The following SOX5 variants were observed in gnomAD, a reference collection of about 807,000 sequenced individuals.
SOX5 encodes SRY-box transcription factor 5.
SOX5 carries 9 observed loss-of-function variants against 92.0 expected under a neutral mutation model. That is an observed-to-expected ratio of 0.10 (90% confidence interval 0.06 to 0.17). The LOEUF (loss-of-function observed/expected upper bound fraction) is 0.17, where lower values mean the gene tolerates loss of function less well. Among genes scored for constraint, SOX5 ranks in the 10% least tolerant of loss-of-function variants. The pLI is 1.00. For missense variants in SOX5, 642 were observed against 944.5 expected, an observed-to-expected ratio of 0.68 and a Z score of 4.20; for synonymous variants, 344 against 336.3, an observed-to-expected ratio of 1.02 and a Z score of -0.25.
At position 23,532,610 on chromosome 12, in the gene SOX5, T is replaced by TCTGA. The variant is rs1285291900; in HGVS notation, c.*1605_*1608dup. On this transcript the variant is annotated 3_prime_UTR_variant, in exon 15 of 15. Coordinates refer to ENST00000451604, the MANE Select transcript of SOX5 (RefSeq NM_006940.6). Reference sequence around the variant, plus strand: ...CCAAAGTTGGACTTCAGTGGATTAATCTGACAGCAAGGGAAGAGCAGTGGC... The same window carrying TCTGA: ...CCAAAGTTGGACTTCAGTGGATTAATCTGACTGACAGCAAGGGAAGAGCAGTGGC... 1 of 152,362 alleles carries TCTGA rather than the reference T, an allele frequency of 6.6e-6. No homozygotes were observed. The highest frequency in any genetic ancestry group is 2.4e-5 in the African/African-American group (1 of 41,452). The allele number at this position is 152,362 out of a possible 1,614,324, so 9.4% of individuals were successfully genotyped here. A position where few individuals can be genotyped will look rare whatever the true frequency, so the allele number is the denominator to read the frequency against.
chr12:23,908,916 G>A (rs2097321879), intron 1 of SOX5, among the ~76,000 whole-genome samples: 1 of 151,672 alleles, frequency 6.6e-6, no homozygotes, highest in African/African-American at 2.4e-5. Flanking sequence ...TGTCTTAACT[G>A]TTTATCTTCT....
chr12:24,531,132 C>G (rs1422471069), intron 1 of SOX5, among the ~76,000 whole-genome samples: 1 of 151,818 alleles, frequency 6.6e-6, no homozygotes, highest in Non-Finnish European at 1.5e-5. Flanking sequence ...TCTTGAAGAG[C>G]CAAAAAATAA....
chr12:24,235,070 G>C (rs1964184101), intron 3 of SOX5, among the ~76,000 whole-genome samples: 1 of 152,150 alleles, frequency 6.6e-6, no homozygotes, highest in Non-Finnish European at 1.5e-5. Context: ...TTTTTGTTTT[G>C]TTTGTTTTGC....
intron 4 of SOX5, among the ~76,000 whole-genome samples, chr12:23,963,856 T>C (rs1209829096): frequency 6.6e-6 from 1 of 151,862 alleles, no homozygotes; most frequent in African/African-American, 2.4e-5. Flanking sequence ...ACAGGAATTC[T>C]GCAAATAAAC....
chr12:23,864,370 G>T (rs546850689), intron 2 of SOX5, among the ~76,000 whole-genome samples: 1 of 152,248 alleles, frequency 6.6e-6, no homozygotes, highest in Non-Finnish European at 1.5e-5. Context: ...AGGATGGGTT[G>T]CACGTCTTTC....
At chr12:24,015,898 A>G (rs1953536129) in intron 4 of SOX5, among the ~76,000 whole-genome samples, 1 of 146,936 alleles carries the variant, frequency 6.8e-6, no homozygotes, top group South Asian at 2.2e-4. Flanking sequence ...GTGTGACATC[A>G]AAGACTACTA....
chr12:24,238,437 AACC>A (rs1964936822), intron 3 of SOX5, among the ~76,000 whole-genome samples: 1 of 152,166 alleles, frequency 6.6e-6, no homozygotes, highest in African/African-American at 2.4e-5. Flanking sequence ...CTGTAGCCTC[AACC>A]CCCCAGGCTC....
chr12:24,495,339 T>C (rs1947521167), intron 1 of SOX5, among the ~76,000 whole-genome samples: 1 of 152,184 alleles, frequency 6.6e-6, no homozygotes, highest in Non-Finnish European at 1.5e-5. Context: ...AGGTTCAGAA[T>C]CAGAGGACAT....
intron 4 of SOX5, among the ~76,000 whole-genome samples, chr12:24,205,567 CA>C (rs947241503): frequency 1.3e-5 from 2 of 152,182 alleles, no homozygotes; most frequent in East Asian, 3.8e-4. Flanking sequence ...TTCCAAAGAG[CA>C]GCAGAGAGAA....
At chr12:23,933,689 T>A (rs1003684548) in intron 1 of SOX5, among the ~76,000 whole-genome samples, 1 of 151,504 alleles carries the variant, frequency 6.6e-6, no homozygotes, top group African/African-American at 2.4e-5. Context: ...TGTGCTATGT[T>A]TACAATATCG....
intron 4 of SOX5, among the ~76,000 whole-genome samples, chr12:24,096,657 A>AT (rs1945449863): frequency 6.6e-6 from 1 of 152,204 alleles, no homozygotes; most frequent in African/African-American, 2.4e-5. Context: ...GCTGAATAAT[A>AT]TTACATTGTA....
intron 2 of SOX5, among the ~76,000 whole-genome samples, chr12:23,888,820 A>G (rs551296576): frequency 6.6e-6 from 1 of 152,320 alleles, no homozygotes; most frequent in East Asian, 1.9e-4. Flanking sequence ...ATGTAATTTC[A>G]TTGTATGATA....
chr12:23,843,956 G>GTACA (rs1268449804), intron 3 of SOX5, among the ~76,000 whole-genome samples: 2 of 152,172 alleles, frequency 1.3e-5, no homozygotes. Flanking sequence ...TATTTTAAAA[G>GTACA]TACAGATGCT....
intron 3 of SOX5, among the ~76,000 whole-genome samples, chr12:23,819,205 A>G (rs568022727): frequency 5.1e-4 from 77 of 152,332 alleles, no homozygotes; most frequent in African/African-American, 1.8e-3. Context: ...TGTGAATAAC[A>G]TGTTGTGTTA....
chr12:24,258,190 A>C (rs191836655), intron 3 of SOX5, among the ~76,000 whole-genome samples: 20 of 151,276 alleles, frequency 1.3e-4, no homozygotes, highest in Middle Eastern at 3.4e-3. Context: ...CACACACACA[A>C]AAACACTTAT....
At chr12:24,183,974 ATT>A (rs1955770934) in intron 4 of SOX5, among the ~76,000 whole-genome samples, 1 of 152,148 alleles carries the variant, frequency 6.6e-6, no homozygotes, top group Non-Finnish European at 1.5e-5. Flanking sequence ...CTCATTACAT[ATT>A]TTTGTTGTTA....
At chr12:24,129,481 C>A (rs1226566263) in intron 4 of SOX5, among the ~76,000 whole-genome samples, 1 of 152,174 alleles carries the variant, frequency 6.6e-6, no homozygotes, top group East Asian at 1.9e-4. Flanking sequence ...ATGCCTGGCA[C>A]TGTGCCTGAA....
chr12:24,467,382 C>T (rs1396362041), intron 1 of SOX5, among the ~76,000 whole-genome samples: 8 of 152,282 alleles, frequency 5.3e-5, no homozygotes, highest in Non-Finnish European at 1.0e-4. Context: ...TGGAGCTACA[C>T]ACAGCGTGCA....
intron 1 of SOX5, among the ~76,000 whole-genome samples, chr12:24,509,193 T>C (rs904470622): frequency 2.0e-5 from 3 of 152,238 alleles, no homozygotes; most frequent in Non-Finnish European, 4.4e-5. Flanking sequence ...ATGAACTATA[T>C]TATCTGTAAG....
Sources: allele counts gnomAD v4.1 joint callset (sites outside exome capture counted in the v4.1 genomes callset), GRCh38; gene constraint gnomAD v4.1.1; transcripts MANE v1.5; gene names NCBI Gene and HGNC (gene_info 2026-07-23, HGNC 2026-07-21).